CDKAL1: variants seen among roughly 807,000 people sequenced by gnomAD.
The protein encoded by CDKAL1 is threonylcarbamoyladenosine tRNA methylthiotransferase.
CDKAL1 carries 32 observed loss-of-function variants against 68.2 expected under a neutral mutation model. The observed-to-expected ratio is 0.47, with a 90% CI of 0.35 to 0.63. CDKAL1 has a LOEUF of 0.63. CDKAL1 is among the 30% of genes least tolerant of loss of function. The pLI, the probability that CDKAL1 is intolerant of heterozygous loss-of-function variation, is 0.00. For synonymous variants in CDKAL1, 234 were observed against 244.3 expected, an observed-to-expected ratio of 0.96 and a Z score of 0.39; for missense variants, 606 against 696.7, an observed-to-expected ratio of 0.87 and a Z score of 1.47.
chr6:20,636,956 G>A (rs1203314460), intron 4 of CDKAL1, among the ~76,000 whole-genome samples: 1 of 150,308 alleles, frequency 6.7e-6, no homozygotes, highest in African/African-American at 2.5e-5. Context: ...AGAATTGCTT[G>A]AACCCGGGAA....
chr6:21,222,220 A>G (rs1483947320), intron 15 of CDKAL1, among the ~76,000 whole-genome samples: 1 of 152,186 alleles, frequency 6.6e-6, no homozygotes, highest in Non-Finnish European at 1.5e-5. Flanking sequence ...TGTGTGTTCA[A>G]GTTTAAAATT....
chr6:20,751,904 A>G (rs546540217), intron 6 of CDKAL1, among the ~76,000 whole-genome samples: 1 of 152,298 alleles, frequency 6.6e-6, no homozygotes, highest in African/African-American at 2.4e-5. Context: ...GCCTCAATTT[A>G]TATATTAATT....
At chr6:20,730,647 C>A (rs556708524) in intron 5 of CDKAL1, among the ~76,000 whole-genome samples, 17 of 151,972 alleles carry the variant, frequency 1.1e-4, no homozygotes, top group African/African-American at 2.4e-5. Context: ...GGGTTTGAGA[C>A]CAGCCTGGCC....
At chr6:20,918,115 G>T (rs1447656477) in intron 9 of CDKAL1, among the ~76,000 whole-genome samples, 3 of 152,154 alleles carry the variant, frequency 2.0e-5, no homozygotes, top group African/African-American at 7.2e-5. Context: ...TGTTTCGGGG[G>T]GAAAAGAGGC....
At chr6:21,195,885 A>T (rs145371413) in intron 13 of CDKAL1, among the ~76,000 whole-genome samples, 14 of 152,284 alleles carry the variant, frequency 9.2e-5, no homozygotes, top group Non-Finnish European at 1.9e-4. Flanking sequence ...GAGGACACAA[A>T]TAGGATGACT....
At chr6:20,645,158 G>A (rs532057328) in intron 4 of CDKAL1, among the ~76,000 whole-genome samples, 2 of 152,286 alleles carry the variant, frequency 1.3e-5, no homozygotes, top group East Asian at 3.9e-4. Context: ...CTCTGGGTGA[G>A]TCAGTGAGTG....
chr6:21,182,061 C>A (rs1176620779), intron 13 of CDKAL1, among the ~76,000 whole-genome samples: 3 of 152,160 alleles, frequency 2.0e-5, no homozygotes, highest in Non-Finnish European at 4.4e-5. Flanking sequence ...GTATCCTGAA[C>A]CAAGGTACTT....
intron 12 of CDKAL1, among the ~76,000 whole-genome samples, 156 bp from the exon 13 acceptor site, chr6:21,108,243 CCT>C (rs1773944192): frequency 1.3e-5 from 2 of 150,556 alleles, no homozygotes; most frequent in Non-Finnish European, 3.0e-5. Flanking sequence ...TAGTTGCACC[CCT>C]GTGTCTTCTC....
At chr6:20,647,302 T>C (rs1052615316) in intron 4 of CDKAL1, among the ~76,000 whole-genome samples, 5 of 152,170 alleles carry the variant, frequency 3.3e-5, no homozygotes, top group Admixed American at 2.0e-4. Context: ...CAGTGAAGCT[T>C]GTTTCTTGAA....
chr6:21,036,223 A>G (rs1471721744), intron 11 of CDKAL1, among the ~76,000 whole-genome samples: 1 of 152,090 alleles, frequency 6.6e-6, no homozygotes, highest in African/African-American at 2.4e-5. Flanking sequence ...ATAAAAGCAA[A>G]TTTTTTTCAT....
intron 5 of CDKAL1, among the ~76,000 whole-genome samples, chr6:20,686,784 C>T (rs891649948): frequency 3.3e-5 from 5 of 152,138 alleles, no homozygotes; most frequent in Admixed American, 2.6e-4. Context: ...AGTGGGAAAG[C>T]TTCGAGTTTC....
rs138570416 is a variant in CDKAL1 at position 21,109,079 on chromosome 6, T to C, written c.1299+616T>C. ...TCCTAGACATCTTTTCACTTGTAAG[T>C]ATTTTACAATATATTTGTAAAAGAT... On this transcript the variant is annotated intron_variant, in intron 13 of 15. Coordinates refer to ENST00000274695, the MANE Select transcript of CDKAL1 (RefSeq NM_017774.3). Among the ~76,000 whole-genome samples, 53 of 152,310 alleles carry C rather than the reference T, an allele frequency of 3.5e-4. 1 individual carries two copies. The highest frequency in any genetic ancestry group is 1.7e-3 in the South Asian group (8 of 4,826).
intron 11 of CDKAL1, among the ~76,000 whole-genome samples, chr6:21,028,813 C>T (rs1309371994): frequency 1.3e-5 from 2 of 152,118 alleles, no homozygotes; most frequent in Non-Finnish European, 2.9e-5. Flanking sequence ...AAATGCTGCT[C>T]GACCTTATAA....
intron 5 of CDKAL1, among the ~76,000 whole-genome samples, chr6:20,652,146 G>A (rs1393150049): frequency 6.6e-6 from 1 of 151,988 alleles, no homozygotes; most frequent in African/African-American, 2.4e-5. Context: ...GGTTTTTTGT[G>A]TGTCTATCTC....
At chr6:21,116,932 G>T (rs887959004) in intron 13 of CDKAL1, among the ~76,000 whole-genome samples, 1 of 152,196 alleles carries the variant, frequency 6.6e-6, no homozygotes, top group Non-Finnish European at 1.5e-5. Flanking sequence ...AAAGAGGAAT[G>T]TCACTGTGCC....
chr6:20,955,399 T>A lies in CDKAL1; in HGVS notation c.743-20T>A. 6.2e-7 allele frequency: 1 copy of A among 1,613,384 alleles called. No homozygotes were observed. The highest frequency in any genetic ancestry group is 8.5e-7 in the Non-Finnish European group (1 of 1,179,538). ...AACAGCTCTGCCACAGATTTGTTAA[T>A]TATCTCTTTTGATTCACAGAGGGTG... On this transcript the variant is annotated intron_variant, in intron 9 of 15. Coordinates refer to ENST00000274695, the MANE Select transcript of CDKAL1 (RefSeq NM_017774.3).
At chr6:20,950,895 C>G (rs1056811455) in intron 9 of CDKAL1, among the ~76,000 whole-genome samples, 18 of 150,906 alleles carry the variant, frequency 1.2e-4, no homozygotes, top group Non-Finnish European at 2.7e-4. Flanking sequence ...ACTTGAACCT[C>G]GGAGGCGGAG....
At chr6:21,015,772 C>CAAA (rs1768291170) in intron 11 of CDKAL1, among the ~76,000 whole-genome samples, 2 of 151,882 alleles carry the variant, frequency 1.3e-5, no homozygotes, top group East Asian at 1.9e-4. Flanking sequence ...ACTAAAAATA[C>CAAA]AAAAATTAGC....
intron 12 of CDKAL1, among the ~76,000 whole-genome samples, chr6:21,068,251 C>G (rs1032789943): frequency 3.3e-5 from 5 of 151,542 alleles, no homozygotes; most frequent in African/African-American, 7.3e-5. Flanking sequence ...TATGTTAGTG[C>G]TTTTTGTGTC....
Sources: allele counts gnomAD v4.1 joint callset (sites outside exome capture counted in the v4.1 genomes callset), GRCh38; gene constraint gnomAD v4.1.1; transcripts MANE v1.5; gene names NCBI Gene and HGNC (gene_info 2026-07-23, HGNC 2026-07-21).